The following OSBPL10 variants were observed in gnomAD, a reference collection of about 807,000 sequenced individuals.
OSBPL10 encodes oxysterol-binding protein-related protein 10.
Under a neutral mutation model 81.7 loss-of-function variants are expected in OSBPL10, and 49 were observed. The observed-to-expected ratio is 0.60, with a 90% CI of 0.48 to 0.76. The LOEUF is 0.76. OSBPL10 is among the 30% of genes least tolerant of loss of function. The pLI, the probability that OSBPL10 is intolerant of heterozygous loss-of-function variation, is 0.00. For missense variants in OSBPL10, 923 were observed against 987.8 expected (o/e 0.93, Z 0.88); for synonymous variants, 419 against 383.6 (o/e 1.09, Z -1.08).
chr3:32,066,990 AG>A (rs1361986399), intron 1 of OSBPL10, among the ~76,000 whole-genome samples: 12 of 152,332 alleles, frequency 7.9e-5, no homozygotes, highest in Middle Eastern at 6.8e-3. Flanking sequence ...CATGATAACG[AG>A]GCTCCTTCTG....
chr3:31,705,372 A>ACCCCCCCCCCCCCCCCC (rs3840254), intron 6 of OSBPL10, among the ~76,000 whole-genome samples: 4 of 130,556 alleles, frequency 3.1e-5, no homozygotes, highest in Non-Finnish European at 4.7e-5. Context: ...CAAAGAGAAG[A>ACCCCCCCCCCCCCCCCC]CCCCCCCCCC....
intron 1 of OSBPL10, among the ~76,000 whole-genome samples, chr3:31,889,437 G>C (rs940430380): frequency 1.3e-5 from 2 of 152,056 alleles, no homozygotes; most frequent in Non-Finnish European, 2.9e-5. Context: ...AGAAAATGTG[G>C]TCTATATACA....
At chr3:31,772,446 T>C (rs1049161626) in intron 4 of OSBPL10, among the ~76,000 whole-genome samples, 18 of 152,210 alleles carry the variant, frequency 1.2e-4, no homozygotes, top group African/African-American at 4.1e-4. Context: ...TAATCTTAAA[T>C]GCAAAAACAA....
intron 8 of OSBPL10, among the ~76,000 whole-genome samples, chr3:31,673,721 G>A (rs1046724643): frequency 6.6e-6 from 1 of 152,160 alleles, no homozygotes; most frequent in Non-Finnish European, 1.5e-5. Context: ...AATAGAAACC[G>A]TGCTTTGAAT....
intron 2 of OSBPL10, among the ~76,000 whole-genome samples, chr3:32,040,856 T>C (rs1187075186): frequency 6.6e-6 from 1 of 152,100 alleles, no homozygotes; most frequent in Non-Finnish European, 1.5e-5. Context: ...TTAAAAATTG[T>C]TTTTAAGTGC....
At position 31,876,397 on chromosome 3, in the gene OSBPL10, A is replaced by C. The variant is rs377616830; in HGVS notation, c.537+36T>G. The stretch of plus-strand genomic sequence containing the variant: ...AATGGGGCTGAAAGCCAGGCTGGTT[A>C]TTCGAATGCCTCCTTCCTTTCTCAC... On this transcript the variant is annotated intron_variant, in intron 3 of 11. Transcript: ENST00000396556. 1.3e-5 allele frequency: 20 copies of C among 1,531,860 alleles called. No homozygotes were observed. In the Admixed American group the frequency reaches 1.3e-4, roughly 10 times the overall value. The allele number at this position is 1,531,860 out of a possible 1,614,324, so 94.9% of individuals were successfully genotyped here.
chr3:31,805,077 T>C (rs571884130), intron 4 of OSBPL10, among the ~76,000 whole-genome samples: 1 of 152,332 alleles, frequency 6.6e-6, no homozygotes, highest in African/African-American at 2.4e-5. Flanking sequence ...TATCTGAGCA[T>C]GCTGAGCTTC....
At chr3:31,671,014 T>C (rs772469397) in intron 8 of OSBPL10, 31 bp from the exon 9 acceptor site, 2 of 1,567,800 alleles carry the variant, frequency 1.3e-6, no homozygotes, top group South Asian at 1.2e-5. Context: ...GAGTTAGGCA[T>C]GCAAACATGT....
intron 1 of OSBPL10, among the ~76,000 whole-genome samples, chr3:31,964,107 A>G (rs1163378408): frequency 6.6e-6 from 1 of 152,186 alleles, no homozygotes; most frequent in East Asian, 1.9e-4. Context: ...GATTCCTTCA[A>G]TATAGCTGTC....
chr3:32,058,441 C>T (rs1219551159), intron 1 of OSBPL10, among the ~76,000 whole-genome samples: 2 of 152,158 alleles, frequency 1.3e-5, no homozygotes, highest in East Asian at 3.9e-4. Context: ...AATTCTCCTG[C>T]CTCAGTTTCC....
intron 4 of OSBPL10, among the ~76,000 whole-genome samples, chr3:31,808,677 C>G (rs774394958): frequency 4.6e-5 from 7 of 152,196 alleles, no homozygotes; most frequent in Non-Finnish European, 1.0e-4. Flanking sequence ...CACTTGAAAA[C>G]AATTCTACAT....
chr3:31,668,989 C>G (rs1700263394), intron 9 of OSBPL10, among the ~76,000 whole-genome samples, 165 bp from the exon 10 acceptor site: 1 of 151,852 alleles, frequency 6.6e-6, no homozygotes, highest in Admixed American at 6.6e-5. Context: ...GATCTAATAT[C>G]CTTGAACAGC....
Position 31,981,076 on chromosome 3 carries a change from A to G in OSBPL10, c.104T>C (p.Leu35Pro), listed in dbSNP as rs1427894094. The G allele has an allele frequency of 1.1e-5, 17 of 1,490,188 alleles. No individual in the cohort carries two copies. Among genetic ancestry groups the G allele is most frequent in the Non-Finnish European group, 1.5e-5 (17 of 1,124,478 alleles). 92.3% of individuals were successfully genotyped at this position (1,490,188 alleles called of 1,614,324 possible). The change falls in exon 1 of 12, where the codon CTG becomes CCG. Residue 35 changes from leucine (L) to proline (P), a missense_variant. Coordinates refer to ENST00000396556, the MANE Select transcript of OSBPL10 (RefSeq NM_017784.5). The surrounding 1 kb of genome is among the most constrained non-coding windows in gnomAD (Gnocchi z 4.5). ...CCGGCTGGAGACCCCCCGGCCCGCC[A>G]GAGAGCAGGAGGGCGAGGAGCCCGC... ...TSAGSSPSCS[L>P]AGRGVSSRSA...
intron 1 of OSBPL10, among the ~76,000 whole-genome samples, chr3:31,963,446 C>T (rs1375240019): frequency 6.6e-6 from 1 of 152,158 alleles, no homozygotes; most frequent in Non-Finnish European, 1.5e-5. Context: ...AATACTATTA[C>T]TTAATACTTA....
At chr3:32,026,103 TAGAGATAGAGATAGAGAC>T (rs1699410297) in intron 2 of OSBPL10, among the ~76,000 whole-genome samples, 1 of 135,246 alleles carries the variant, frequency 7.4e-6, no homozygotes, top group East Asian at 2.9e-4. Flanking sequence ...GATAGATAGA[TAGAGATAGAGATAGAGAC>T]AGAGATAGAG....
chr3:31,950,050 C>A (rs553503141), intron 1 of OSBPL10, among the ~76,000 whole-genome samples: 1 of 151,792 alleles, frequency 6.6e-6, no homozygotes, highest in Non-Finnish European at 1.5e-5. Flanking sequence ...CCAGGGTATC[C>A]GAAAAGGGCC....
upstream of OSBPL10, among the ~76,000 whole-genome samples, chr3:31,982,736 T>C (rs1374540670): frequency 1.3e-5 from 2 of 152,134 alleles, no homozygotes; most frequent in Admixed American, 6.6e-5. Flanking sequence ...CTTGATCAAA[T>C]TACCTCTTTT....
intron 8 of OSBPL10, among the ~76,000 whole-genome samples, chr3:31,671,509 C>T (rs978807603): frequency 1.1e-4 from 16 of 152,058 alleles, no homozygotes; most frequent in Non-Finnish European, 2.2e-4. Context: ...GGGGTCAGAC[C>T]TTGTCTTTTA....
chr3:31,786,944 C>T (rs1698875707), intron 4 of OSBPL10, among the ~76,000 whole-genome samples: 1 of 152,084 alleles, frequency 6.6e-6, no homozygotes, highest in South Asian at 2.1e-4. Flanking sequence ...TTATTAGATG[C>T]AATTTCAGGC....
Sources: gnomAD v4.1 joint callset for allele counts (sites outside exome capture counted in the v4.1 genomes callset) on GRCh38, gnomAD v4.1.1 for gene constraint, Gnocchi (gnomAD v3.1) non-coding constraint, MANE v1.5 for transcripts, NCBI Gene and HGNC (gene_info 2026-07-23, HGNC 2026-07-21) for gene names.